Variants in ZFHX3 observed in about 807,000 individuals in gnomAD.
ZFHX3 encodes the protein zinc finger homeobox protein 3.
ZFHX3 carries 42 observed loss-of-function variants against 279.1 expected under a neutral mutation model. The ratio of observed to expected loss-of-function variants is 0.15; its 90% CI spans 0.12 to 0.19. The LOEUF (loss-of-function observed/expected upper bound fraction) is 0.19. ZFHX3 is among the 10% of genes least tolerant of loss of function. The pLI is 1.00. For synonymous variants in ZFHX3, 2,293 were observed against 1,957.8 expected (o/e 1.17, Z -4.52); for missense variants, 4,981 against 4,754.0 (o/e 1.05, Z -1.40).
chr16:73,451,177 A>G (rs1567488178), intron 3 of ZFHX3, among the ~76,000 whole-genome samples: 1 of 152,210 alleles, frequency 6.6e-6, no homozygotes, highest in East Asian at 1.9e-4. Context: ...ATTTGAAAAC[A>G]ACAGGCACCT....
rs962431000 is a variant in ZFHX3, at chr16:73,561,247, T to C, written c.-1546-104989A>G. 2.6e-5 allele frequency among the ~76,000 whole-genome samples: 4 copies of C among 152,210 alleles called. No individual in the cohort carries two copies. In the East Asian group the frequency reaches 5.8e-4, roughly 22 times the overall value. On this transcript the variant is annotated intron_variant, in intron 2 of 17. Coordinates refer to the ZFHX3 transcript ENST00000641206. ...CCACTGACAGTGGACATTAGGCAGG[T>C]AACGTTTTAAGTTTCCATCCGTGTG...
At chr16:73,054,442 ATTTTTTTTTTTTTTTTT>A (rs34141418) in intron 1 of ZFHX3, among the ~76,000 whole-genome samples, 1 of 91,934 alleles carries the variant, frequency 1.1e-5, no homozygotes, top group African/African-American at 4.0e-5. Context: ...AACCAGGAGG[ATTTTTTTTTTTTTTTTT>A]TTTTTTTTTA....
intron 2 of ZFHX3, among the ~76,000 whole-genome samples, chr16:73,660,394 T>G (rs2052769030): frequency 6.6e-6 from 1 of 152,218 alleles, no homozygotes; most frequent in Non-Finnish European, 1.5e-5. Context: ...TTACTGTGTA[T>G]GAACCAGAAA....
intron 1 of ZFHX3, among the ~76,000 whole-genome samples, chr16:73,861,618 C>T (rs1961883362): frequency 6.6e-6 from 1 of 152,132 alleles, no homozygotes; most frequent in Non-Finnish European, 1.5e-5. Context: ...CAGTAGTGGG[C>T]CATTGGCACC....
At chr16:73,079,755 C>T (rs148206266) in intron 8 of ZFHX3, among the ~76,000 whole-genome samples, 20 of 152,296 alleles carry the variant, frequency 1.3e-4, no homozygotes, top group Non-Finnish European at 2.1e-4. Context: ...ATGTGCCATC[C>T]TTCCATTCAT....
At chr16:73,103,858 A>T (rs920958631) in intron 7 of ZFHX3, among the ~76,000 whole-genome samples, 7 of 152,102 alleles carry the variant, frequency 4.6e-5, no homozygotes, top group Non-Finnish European at 8.8e-5. Context: ...AGATCTTCAG[A>T]TAAAACTAGG....
At chr16:73,515,219 T>A (rs570233939) in intron 2 of ZFHX3, among the ~76,000 whole-genome samples, 1 of 152,282 alleles carries the variant, frequency 6.6e-6, no homozygotes, top group South Asian at 2.1e-4. Flanking sequence ...ACTTAACAAG[T>A]CTTCTCATCT....
At chr16:73,754,911 C>T (rs1294534934) in intron 1 of ZFHX3, among the ~76,000 whole-genome samples, 1 of 152,166 alleles carries the variant, frequency 6.6e-6, no homozygotes, top group African/African-American at 2.4e-5. Context: ...TCCCCCCAAA[C>T]CCAAGAGTTT....
chr16:73,218,451 T>C (rs908708534), intron 5 of ZFHX3, among the ~76,000 whole-genome samples: 4 of 152,194 alleles, frequency 2.6e-5, no homozygotes, highest in African/African-American at 9.7e-5. Context: ...AGAGCTTTCT[T>C]AAAATTAGTT....
intron 3 of ZFHX3, among the ~76,000 whole-genome samples, chr16:73,357,927 G>T (rs886412454): frequency 6.6e-6 from 1 of 152,120 alleles, no homozygotes; most frequent in Non-Finnish European, 1.5e-5. Flanking sequence ...AGAAGGAAAG[G>T]TACCCTGGGC....
chr16:73,571,446 T>G (rs988238526), intron 2 of ZFHX3, among the ~76,000 whole-genome samples: 3 of 152,194 alleles, frequency 2.0e-5, no homozygotes, highest in African/African-American at 7.2e-5. Flanking sequence ...AGTTGTAATC[T>G]TCAGGCTAAA....
At chr16:73,671,783 T>C (rs1205711316) in intron 2 of ZFHX3, among the ~76,000 whole-genome samples, 1 of 152,224 alleles carries the variant, frequency 6.6e-6, no homozygotes, top group African/African-American at 2.4e-5. Flanking sequence ...AAGGGGAGTT[T>C]AGACTTACTT....
intron 3 of ZFHX3, chr16:73,420,522 C>A (rs981517443): frequency 1.3e-5 from 2 of 152,220 alleles, no homozygotes. Flanking sequence ...CCTAGAAACT[C>A]CCTCCAATGC....
At chr16:73,431,501 A>G (rs970447370) in intron 3 of ZFHX3, among the ~76,000 whole-genome samples, 6 of 152,144 alleles carry the variant, frequency 3.9e-5, no homozygotes, top group Admixed American at 2.0e-4. Context: ...AGATCACACC[A>G]CTGCATTCCA....
intron 1 of ZFHX3, among the ~76,000 whole-genome samples, chr16:73,767,312 T>A (rs915941251): frequency 2.0e-5 from 3 of 152,156 alleles, no homozygotes; most frequent in African/African-American, 4.8e-5. Context: ...TTGTCCATAA[T>A]AATGCTTTAT....
chr16:73,433,270 G>T (rs2017940788), intron 3 of ZFHX3, among the ~76,000 whole-genome samples: 1 of 152,158 alleles, frequency 6.6e-6, no homozygotes, highest in African/African-American at 2.4e-5. Context: ...CCACCCCCTT[G>T]TTCTCCCAGA....
At chr16:73,471,615 A>C (rs1242185421) in intron 2 of ZFHX3, among the ~76,000 whole-genome samples, 1 of 152,008 alleles carries the variant, frequency 6.6e-6, no homozygotes, top group Non-Finnish European at 1.5e-5. Flanking sequence ...CTTCAGTTTT[A>C]CCCTTCACTG....
intron 1 of ZFHX3, among the ~76,000 whole-genome samples, chr16:72,962,481 G>A (rs1567608683): frequency 6.6e-6 from 1 of 152,204 alleles, no homozygotes; most frequent in African/African-American, 2.4e-5. Flanking sequence ...CCATTCACGG[G>A]GAGCAGCAGC....
intron 2 of ZFHX3, chr16:73,609,706 T>C (rs1718011514): frequency 6.6e-6 from 1 of 151,144 alleles, no homozygotes; most frequent in African/African-American, 2.4e-5. Context: ...GGAGGGGTAA[T>C]TGGTTGAAGG....
Sources: gnomAD v4.1 joint callset for allele counts (sites outside exome capture counted in the v4.1 genomes callset) on GRCh38, gnomAD v4.1.1 for gene constraint, MANE v1.5 for transcripts, NCBI Gene and HGNC (gene_info 2026-07-23, HGNC 2026-07-21) for gene names.